PQBP1: variants seen among roughly 807,000 people sequenced by gnomAD.
The protein encoded by PQBP1 is polyglutamine binding protein 1, also known as polyglutamine-binding protein 1.
PQBP1 carries 3 observed loss-of-function variants against 20.9 expected under a neutral mutation model. That is an observed-to-expected ratio of 0.14 (90% CI 0.07 to 0.37). The LOEUF (loss-of-function observed/expected upper bound fraction) is 0.37, where lower values mean the gene tolerates loss of function less well. Among genes scored for constraint, PQBP1 ranks in the 10% least tolerant of loss-of-function variants. PQBP1 has a pLI of 1.00. For missense variants in PQBP1, 162 were observed against 240.3 expected (o/e 0.67, Z 2.16); for synonymous variants, 83 against 93.8 (o/e 0.88, Z 0.67).
rs901336629 is a variant in PQBP1 at position 48,898,554 on chromosome X, C to T, written c.45C>T (p.Gly15=). 2 of 1,207,970 alleles carry T rather than the reference C, an allele frequency of 1.7e-6. No homozygotes were observed. Among genetic ancestry groups the T allele is most frequent in the African/African-American group, 3.5e-5 (2 of 56,658 alleles). ...TGCAGACCCGCTTGGCCAAGAGAGG[C>T]ATCCTCAAACATCTGGAGCCTGGTG... ...VALQTRLAKR[G]ILKHLEPEPE... is the part of the protein sequence containing the mutation. Residue 15 remains glycine, a synonymous_variant, in exon 2 of 7, where the codon GGC becomes GGT. Coordinates refer to ENST00000447146, the MANE Select transcript of PQBP1 (RefSeq NM_001032382.2).
At chrX:48,901,696 C>T in intron 3 of PQBP1, 1 of 529,117 alleles carries the variant, frequency 1.9e-6, no homozygotes, top group Admixed American at 3.1e-5. Flanking sequence ...TCAGGCTGGT[C>T]CCGAACTCCT....
At chrX:48,899,577 G>A (rs782527238) in intron 2 of PQBP1, among the ~76,000 whole-genome samples, 4 of 110,394 alleles carry the variant, frequency 3.6e-5, no homozygotes, top group African/African-American at 6.6e-5. Flanking sequence ...GCCGACACAT[G>A]GAGACCCTGT....
At chrX:48,901,658 T>A (rs1231737397) in intron 3 of PQBP1, 2 of 454,245 alleles carry the variant, frequency 4.4e-6, no homozygotes, top group African/African-American at 2.4e-5. Flanking sequence ...TTTGTATTTT[T>A]TGTAGAGATG....
At chrX:48,898,961 C>T (rs1487786585) in intron 2 of PQBP1, among the ~76,000 whole-genome samples, 3 of 99,912 alleles carry the variant, frequency 3.0e-5, no homozygotes, top group Non-Finnish European at 4.0e-5. Context: ...ACGCCCCGCC[C>T]CACCACACCT....
At chrX:48,900,063 AC>A (rs1557040672) in intron 2 of PQBP1, among the ~76,000 whole-genome samples, 1 of 109,500 alleles carries the variant, frequency 9.1e-6, no homozygotes, top group East Asian at 2.9e-4. Flanking sequence ...ATTCTGGCTA[AC>A]AGGGTGAAAC....
chrX:48,903,091 G>A lies in PQBP1; in HGVS notation c.*7G>A, dbSNP rs1557041952. 1 of 1,199,133 alleles carries A rather than the reference G, an allele frequency of 8.3e-7. No individual in the cohort carries two copies. Among genetic ancestry groups the A allele is most frequent in the East Asian group, 3.0e-5 (1 of 33,453 alleles). ...AACCAAGCAGCAGGATTGAAGCTTC[G>A]GCCTCCCTGGCCCTGGGTTAAAATA... is the stretch of plus-strand genomic sequence containing the variant. On this transcript the variant is annotated 3_prime_UTR_variant, in exon 7 of 7. Coordinates refer to ENST00000447146, the MANE Select transcript of PQBP1 (RefSeq NM_001032382.2).
Position 48,898,172 on chromosome X carries a change from C to T in PQBP1, c.-19+90C>T, listed in dbSNP as rs1310546451. ...CAGCGCTTTGGTTTCTCCCACCCGG[C>T]AGTCATGGGGACGCTGGATGAGCCC... On this transcript the variant is annotated intron_variant, in intron 1 of 6. Transcript: ENST00000447146. 12 of 1,019,856 alleles carry T rather than the reference C, an allele frequency of 1.2e-5. No homozygotes were observed. In the Admixed American group the frequency reaches 1.8e-4, roughly 15 times the overall value. 84.0% of individuals were successfully genotyped at this position (1,019,856 alleles called of 1,213,427 possible).
chrX:48,901,268 C>G lies in PQBP1; in HGVS notation c.146C>G (p.Pro49Arg). Residue 49 changes from proline to arginine, a missense_variant, in exon 3 of 7, where the codon CCA (proline) becomes CGA (arginine). Pro to Arg is a moderately radical substitution (Grantham distance 103). Coordinates refer to ENST00000447146, the MANE Select transcript of PQBP1 (RefSeq NM_001032382.2). The stretch of plus-strand genomic sequence containing the variant: ...GAGGCCACCAGGTTGGAGGGCCTAC[C>G]ACCAAGCTGGTACAAGGTGTTCGAC... ...DYEATRLEGL[P>R]PSWYKVFDPS... 1 of 1,208,555 alleles carries G rather than the reference C, an allele frequency of 8.3e-7. No homozygotes were observed. The highest frequency in any genetic ancestry group is 1.1e-6 in the Non-Finnish European group (1 of 894,021).
intron 2 of PQBP1, 55 bp from the exon 3 acceptor site, chrX:48,901,135 G>A: frequency 8.5e-7 from 1 of 1,178,889 alleles, no homozygotes; most frequent in Non-Finnish European, 1.1e-6. Context: ...TCTACATGTA[G>A]GATGAGGTCC....
intron 3 of PQBP1, 57 bp downstream of exon 3, chrX:48,901,358 G>A: frequency 8.6e-7 from 1 of 1,169,375 alleles, no homozygotes; most frequent in Non-Finnish European, 1.1e-6. Flanking sequence ...TGCTGACCTT[G>A]GTTGTGAGGT....
At chrX:48,902,886 G>A (rs1296771476) in intron 6 of PQBP1, 42 bp from the exon 7 acceptor site, 7 of 1,188,310 alleles carry the variant, frequency 5.9e-6, no homozygotes, top group African/African-American at 1.8e-5. Flanking sequence ...GGCTGTGTCC[G>A]CCACATCACC....
chrX:48,901,779 G>C (rs1211933198), intron 3 of PQBP1, 151 bp from the exon 4 acceptor site: 1 of 1,046,234 alleles, frequency 9.6e-7, no homozygotes, highest in Admixed American at 2.6e-5. Context: ...ACGCCCAGCT[G>C]ACAGTGTTTT....
rs2063430628 is a variant in PQBP1, at chrX:48,902,304, G to C, written c.364G>C (p.Glu122Gln). Reference sequence around the variant, plus strand: ...CCATGACAAGTCGGACCGCAGCCATGAGAAACTAGACAGGGGCCACGACAA... The same window carrying C: ...CCATGACAAGTCGGACCGCAGCCATCAGAAACTAGACAGGGGCCACGACAA... ...RGHDKSDRSHEKLDRGHDKSD... is the reference protein window; with the variant it reads ...RGHDKSDRSHQKLDRGHDKSD... Residue 122 changes from glutamate to glutamine, a missense_variant, in exon 5 of 7, where the codon GAG (glutamate) becomes CAG (glutamine). By Grantham distance (29) the Glu-to-Gln change is conservative. Coordinates refer to ENST00000447146, the MANE Select transcript of PQBP1 (RefSeq NM_001032382.2). 1 of 1,209,584 alleles carries C rather than the reference G, an allele frequency of 8.3e-7. No homozygotes were observed. Among genetic ancestry groups the C allele is most frequent in the Admixed American group, 2.2e-5 (1 of 45,669 alleles).
intron 1 of PQBP1, chrX:48,898,287 G>A: frequency 1.5e-6 from 1 of 653,224 alleles, no homozygotes; most frequent in Non-Finnish European, 2.4e-6. Context: ...ACCTGGTTTC[G>A]GGGACAGTAG....
At position 48,898,049 on chromosome X, in the gene PQBP1, G is replaced by T; in HGVS notation, c.-52G>T. 9.6e-7 allele frequency: 1 copy of T among 1,042,222 alleles called. No homozygotes were observed. Among genetic ancestry groups the T allele is most frequent in the Non-Finnish European group, 1.2e-6 (1 of 811,423 alleles). 85.9% of individuals were successfully genotyped at this position (1,042,222 alleles called of 1,213,427 possible). ...CGGCGACACGAGAGAGACGGGCGGT[G>T]TGACAGCCTTCCACTACCTGCACGA... On this transcript the variant is annotated 5_prime_UTR_variant, in exon 1 of 7. Coordinates refer to ENST00000447146, the MANE Select transcript of PQBP1 (RefSeq NM_001032382.2).
Position 48,902,928 on chromosome X carries a change from G to A in PQBP1, c.642G>A (p.Arg214=), listed in dbSNP as rs1557041810. 2 of 1,196,639 alleles carry A rather than the reference G, an allele frequency of 1.7e-6. No individual in the cohort carries two copies. The highest frequency in any genetic ancestry group is 4.5e-5 in the Admixed American group (2 of 44,236). The change falls in exon 7 of 7, where the codon CGG becomes CGA. Residue 214 remains arginine (R), a splice_region_variant and synonymous_variant. Coordinates refer to ENST00000447146, the MANE Select transcript of PQBP1 (RefSeq NM_001032382.2). The stretch of plus-strand genomic sequence containing the variant: ...CATCCCCTGACTCTTTCACCGGCAG[G>A]GGCACGTGGTCAACAGGACTCCCCA... The part of the protein sequence containing the change: ...MDPSSYSDAP[R]GTWSTGLPKR...
intron 1 of PQBP1, 127 bp downstream of exon 1, chrX:48,898,209 G>C: frequency 1.0e-6 from 1 of 984,261 alleles, no homozygotes; most frequent in Non-Finnish European, 1.4e-6. Flanking sequence ...TTTCTGAAGT[G>C]CGGAGGGGCC....
chrX:48,901,441 G>T (rs2063408565), intron 3 of PQBP1, 140 bp downstream of exon 3: 1 of 1,092,703 alleles, frequency 9.2e-7, no homozygotes, highest in East Asian at 3.3e-5. Context: ...TCAAGTTGCT[G>T]CCTGCTGGGG....
chrX:48,901,212 C>T lies in PQBP1; in HGVS notation c.90C>T (p.Ala30=), dbSNP rs782102853. 30 of 1,207,611 alleles carry T rather than the reference C, an allele frequency of 2.5e-5. No individual in the cohort carries two copies. Among genetic ancestry groups the T allele is most frequent in the Middle Eastern group, 2.3e-4 (1 of 4,372 alleles). The change falls in exon 3 of 7, where the codon GCC becomes GCT. Residue 30 remains alanine, a synonymous_variant. Transcript: ENST00000447146. ...LEPEPEEEII[A]EDYDDDPVDY... is the part of the protein sequence containing the mutation. ...CAGAACCAGAGGAAGAGATCATTGC[C>T]GAGGACTATGACGATGATCCTGTGG... is the stretch of plus-strand genomic sequence containing the variant.
Sources: gnomAD v4.1 joint callset for allele counts (sites outside exome capture counted in the v4.1 genomes callset) on GRCh38, gnomAD v4.1.1 for gene constraint, MANE v1.5 for transcripts, NCBI Gene and HGNC (gene_info 2026-07-23, HGNC 2026-07-21) for gene names.